Variants in RASSF3 observed in about 807,000 individuals in gnomAD.
The protein encoded by RASSF3 is Ras association domain family member 3.
In RASSF3, 19 loss-of-function variants were observed where a neutral mutation model predicts 19.9. The observed-to-expected ratio is 0.96, with a 90% CI of 0.67 to 1.40. RASSF3 has a LOEUF of 1.40. Ranked by LOEUF, RASSF3 falls within the 40% of genes most tolerant of loss-of-function variation. RASSF3 has a pLI of 0.00. For synonymous variants in RASSF3, 110 were observed against 104.2 expected (o/e 1.06, Z -0.34); for missense variants, 306 against 289.8 (o/e 1.06, Z -0.41).
chr12:64,626,028 G>T (rs1489004173), intron 1 of RASSF3, among the ~76,000 whole-genome samples: 2 of 151,902 alleles, frequency 1.3e-5, no homozygotes, highest in Admixed American at 6.6e-5. Context: ...CCCTCCTTTG[G>T]TTGTATGTTT....
At chr12:64,618,399 T>C (rs1210677440) in intron 1 of RASSF3, among the ~76,000 whole-genome samples, 1 of 152,214 alleles carries the variant, frequency 6.6e-6, no homozygotes, top group Non-Finnish European at 1.5e-5. Flanking sequence ...TGATCTCGGC[T>C]CACTGCAACC....
intron 1 of RASSF3, among the ~76,000 whole-genome samples, chr12:64,627,804 T>C (rs1377424186): frequency 6.6e-6 from 1 of 152,178 alleles, no homozygotes; most frequent in African/African-American, 2.4e-5. Flanking sequence ...GGTCCTTTAT[T>C]AAATAGCAGA....
At chr12:64,576,833 G>A in intron 2 of RASSF3, among the ~76,000 whole-genome samples, 1 of 146,656 alleles carries the variant, frequency 6.8e-6, no homozygotes, top group African/African-American at 2.6e-5. Context: ...CCTGGGCAAT[G>A]GAGTGAGACC....
At chr12:64,636,656 A>T (rs1448975501) in intron 1 of RASSF3, among the ~76,000 whole-genome samples, 1 of 151,792 alleles carries the variant, frequency 6.6e-6, no homozygotes, top group Non-Finnish European at 1.5e-5. Flanking sequence ...ACCTGAGGTC[A>T]GGGGTTCGAA....
chr12:64,623,705 C>T (rs1364877033), intron 1 of RASSF3, among the ~76,000 whole-genome samples: 4 of 152,064 alleles, frequency 2.6e-5, no homozygotes, highest in Admixed American at 2.0e-4. Flanking sequence ...TGCAGTGGCA[C>T]GATCTCGGCT....
intron 1 of RASSF3, chr12:64,507,562 T>A: frequency 3.0e-6 from 1 of 332,512 alleles, no homozygotes; most frequent in Non-Finnish European, 5.4e-6. Flanking sequence ...TCCAATTGTA[T>A]GCTTTTTAGG....
intron 1 of RASSF3, chr12:64,629,961 C>CAAAAAAAAAAAA (rs34700817): frequency 3.4e-5 from 2 of 59,322 alleles, no homozygotes; most frequent in African/African-American, 5.5e-5. Flanking sequence ...GACTCCATCT[C>CAAAAAAAAAAAA]AAAAAAAAAA....
At chr12:64,620,347 A>G (rs1164546085) in intron 1 of RASSF3, among the ~76,000 whole-genome samples, 1 of 152,136 alleles carries the variant, frequency 6.6e-6, no homozygotes, top group Non-Finnish European at 1.5e-5. Flanking sequence ...TGATTCTTCC[A>G]TAGACATTAG....
intron 1 of RASSF3, among the ~76,000 whole-genome samples, chr12:64,660,076 G>GTA (rs558305597): frequency 8.0e-5 from 12 of 150,360 alleles, no homozygotes; most frequent in East Asian, 3.9e-4. Flanking sequence ...GTGTGTGTAT[G>GTA]TATATATATA....
At chr12:64,596,737 A>T (rs975917085) in intron 2 of RASSF3, among the ~76,000 whole-genome samples, 2 of 151,998 alleles carry the variant, frequency 1.3e-5, no homozygotes, top group Admixed American at 6.6e-5. Context: ...ATATATATAT[A>T]TATTTTTTTG....
chr12:64,604,594 A>G (rs537024607), intron 2 of RASSF3, among the ~76,000 whole-genome samples: 1 of 152,168 alleles, frequency 6.6e-6, no homozygotes, highest in Non-Finnish European at 1.5e-5. Context: ...CGGTTCAACT[A>G]TTAAGAGCCT....
intron 1 of RASSF3, among the ~76,000 whole-genome samples, chr12:64,619,824 A>C (rs1415980363): frequency 6.6e-6 from 1 of 152,064 alleles, no homozygotes; most frequent in East Asian, 1.9e-4. Flanking sequence ...TACTAAAAAT[A>C]CAAAAATTAG....
intron 2 of RASSF3, chr12:64,575,810 C>T (rs538176427): frequency 5.3e-5 from 8 of 149,552 alleles, no homozygotes; most frequent in East Asian, 2.0e-4. Flanking sequence ...TGTCAATATT[C>T]GATTGTGAAT....
At chr12:64,689,128 A>G (rs1197949547) in intron 3 of RASSF3, among the ~76,000 whole-genome samples, 1 of 152,118 alleles carries the variant, frequency 6.6e-6, no homozygotes, top group Non-Finnish European at 1.5e-5. Flanking sequence ...GTGAAACAGA[A>G]TGAGATATTC....
upstream of RASSF3, chr12:64,506,969 G>A: frequency 2.7e-6 from 1 of 373,168 alleles, no homozygotes; most frequent in Non-Finnish European, 4.7e-6. Flanking sequence ...TCTTAAGAAA[G>A]CTTAAAACTC....
chr12:64,623,848 C>T (rs56257033), intron 1 of RASSF3, among the ~76,000 whole-genome samples: 1 of 151,746 alleles, frequency 6.6e-6, no homozygotes, highest in South Asian at 2.1e-4. Flanking sequence ...AGAGTTTCAC[C>T]GTGTTGGCCA....
intron 1 of RASSF3, chr12:64,515,577 G>A (rs1565829998): frequency 6.6e-6 from 1 of 152,134 alleles, no homozygotes. Context: ...ATCCTTCACT[G>A]TAGTGGGGAA....
chr12:64,616,019 G>C (rs1043130844), intron 1 of RASSF3, among the ~76,000 whole-genome samples: 4 of 152,020 alleles, frequency 2.6e-5, no homozygotes, highest in Admixed American at 2.6e-4. Flanking sequence ...CGTATTATGG[G>C]GCATAAACAT....
downstream of RASSF3, among the ~76,000 whole-genome samples, chr12:64,543,583 A>AC: frequency 1.3e-5 from 1 of 78,492 alleles, no homozygotes; most frequent in Non-Finnish European, 2.6e-5. Flanking sequence ...GACAAGCCCC[A>AC]CCCCCTGTTC....
Sources: allele counts gnomAD v4.1 joint callset (sites outside exome capture counted in the v4.1 genomes callset), GRCh38; gene constraint gnomAD v4.1.1; transcripts MANE v1.5; gene names NCBI Gene and HGNC (gene_info 2026-07-23, HGNC 2026-07-21).